Variants in PHACTR1 observed in about 807,000 individuals in gnomAD.
PHACTR1 encodes the protein RPEL repeat containing 1.
Under a neutral mutation model 69.2 loss-of-function variants are expected in PHACTR1, and 16 were observed. The observed-to-expected ratio is 0.23, with a 90% CI of 0.16 to 0.35. PHACTR1 has a LOEUF of 0.35. PHACTR1 is among the 10% of genes least tolerant of loss of function. PHACTR1 has a pLI of 1.00. For synonymous variants in PHACTR1, 312 were observed against 284.5 expected, an observed-to-expected ratio of 1.10 and a Z score of -0.97; for missense variants, 510 against 734.7, an observed-to-expected ratio of 0.69 and a Z score of 3.54.
chr6:12,788,045 C>G (rs1380123318), intron 4 of PHACTR1, among the ~76,000 whole-genome samples: 1 of 152,084 alleles, frequency 6.6e-6, no homozygotes, highest in Non-Finnish European at 1.5e-5. Flanking sequence ...GTAGTCCCAG[C>G]TACTCGGTAG....
At position 13,287,159 on chromosome 6, in the gene PHACTR1, C is replaced by T; in HGVS notation, c.*81C>T. On this transcript the variant is annotated 3_prime_UTR_variant, in exon 15 of 15. Transcript: ENST00000332995. ...CATAAGTGCTGGTATTTATTCACTTCCCCATTACGATGTAAATCTTCTGAA... is the reference window on the plus strand; with the variant it reads ...CATAAGTGCTGGTATTTATTCACTTTCCCATTACGATGTAAATCTTCTGAA... 1 of 1,304,300 alleles carries T rather than the reference C, an allele frequency of 7.7e-7. No individual in the cohort carries two copies. The highest frequency in any genetic ancestry group is 1.3e-5 in the South Asian group (1 of 75,386). The allele number at this position is 1,304,300 out of a possible 1,614,324, so 80.8% of individuals were successfully genotyped here. A position where few individuals can be genotyped will look rare whatever the true frequency, so the allele number is the denominator to read the frequency against.
intron 10 of PHACTR1, among the ~76,000 whole-genome samples, chr6:13,271,380 G>A (rs185969308): frequency 1.4e-4 from 21 of 152,266 alleles, no homozygotes; most frequent in Admixed American, 4.6e-4. Context: ...ATGAGACATT[G>A]AAGCCCATTC....
chr6:13,067,198 G>A (rs1217311108), intron 5 of PHACTR1, among the ~76,000 whole-genome samples: 4 of 152,130 alleles, frequency 2.6e-5, no homozygotes, highest in Non-Finnish European at 5.9e-5. Context: ...CTTGCCTTAT[G>A]GACTTGAATC....
At chr6:12,985,044 A>G (rs186946515) in intron 4 of PHACTR1, among the ~76,000 whole-genome samples, 1 of 152,352 alleles carries the variant, frequency 6.6e-6, no homozygotes, top group Non-Finnish European at 1.5e-5. Context: ...CTAAACCACA[A>G]TATTCCACTA....
chr6:12,817,252 A>G (rs995880127), intron 4 of PHACTR1, among the ~76,000 whole-genome samples: 3 of 152,188 alleles, frequency 2.0e-5, no homozygotes, highest in African/African-American at 7.2e-5. Flanking sequence ...AGAAGGTCAA[A>G]TTATGAAGCA....
intron 4 of PHACTR1, among the ~76,000 whole-genome samples, chr6:12,812,456 C>T (rs1775125226): frequency 6.6e-6 from 1 of 152,126 alleles, no homozygotes; most frequent in African/African-American, 2.4e-5. Flanking sequence ...AATTATTAAC[C>T]CTATGTTGCT....
At chr6:13,174,065 A>G (rs1760994611) in intron 6 of PHACTR1, among the ~76,000 whole-genome samples, 1 of 152,178 alleles carries the variant, frequency 6.6e-6, no homozygotes, top group African/African-American at 2.4e-5. Flanking sequence ...ACATATATCA[A>G]TGTCAAAAAA....
chr6:12,782,701 G>A (rs112080594), intron 4 of PHACTR1, among the ~76,000 whole-genome samples: 2,770 of 152,300 alleles, frequency 0.018, 84 homozygotes, highest in African/African-American at 0.062. Context: ...ATAATGGCCA[G>A]CCATAGAATT....
At chr6:12,786,581 A>G (rs1342518109) in intron 4 of PHACTR1, among the ~76,000 whole-genome samples, 2 of 152,138 alleles carry the variant, frequency 1.3e-5, no homozygotes, top group Admixed American at 1.3e-4. Flanking sequence ...GAATTAACTG[A>G]CAGGTTCTTC....
At chr6:12,933,873 AG>A in intron 4 of PHACTR1, 1 of 1,612,510 alleles carries the variant, frequency 6.2e-7, no homozygotes, top group South Asian at 1.1e-5. Flanking sequence ...CTGCCTTTAG[AG>A]GGGGAAGAGT....
intron 4 of PHACTR1, among the ~76,000 whole-genome samples, chr6:12,800,175 T>C (rs1355303956): frequency 4.6e-5 from 7 of 152,204 alleles, no homozygotes; most frequent in Non-Finnish European, 7.3e-5. Flanking sequence ...AAGAAAAATC[T>C]CAAATCCAAC....
intron 4 of PHACTR1, among the ~76,000 whole-genome samples, chr6:12,756,868 G>A (rs1281506168): frequency 6.6e-6 from 1 of 152,110 alleles, no homozygotes; most frequent in Admixed American, 6.5e-5. Flanking sequence ...TTTAATCAGA[G>A]GTACAGAAAA....
chr6:12,953,336 T>C (rs1791518988), intron 4 of PHACTR1, among the ~76,000 whole-genome samples: 1 of 151,886 alleles, frequency 6.6e-6, no homozygotes, highest in Non-Finnish European at 1.5e-5. Context: ...AATAAATAAA[T>C]ACATAAAAAT....
At chr6:12,885,787 A>G (rs1007424698) in intron 4 of PHACTR1, among the ~76,000 whole-genome samples, 3 of 152,180 alleles carry the variant, frequency 2.0e-5, no homozygotes, top group Non-Finnish European at 2.9e-5. Context: ...TGGGAACACA[A>G]TTGTCCATTT....
chr6:13,243,493 C>T (rs979579727), intron 10 of PHACTR1, among the ~76,000 whole-genome samples: 1 of 151,910 alleles, frequency 6.6e-6, no homozygotes. Context: ...ATTCAAATAT[C>T]TCATCTAGGC....
At chr6:12,971,990 G>C (rs531423044) in intron 4 of PHACTR1, among the ~76,000 whole-genome samples, 1 of 152,310 alleles carries the variant, frequency 6.6e-6, no homozygotes, top group East Asian at 1.9e-4. Context: ...CTTCTGTTGA[G>C]CACCTACTGT....
intron 4 of PHACTR1, among the ~76,000 whole-genome samples, chr6:12,937,469 T>C (rs1446741040): frequency 1.3e-5 from 2 of 152,034 alleles, no homozygotes; most frequent in Admixed American, 6.5e-5. Flanking sequence ...CTGCCTCTGA[T>C]TGAGTGAATT....
At chr6:12,836,673 G>A (rs911395257) in intron 4 of PHACTR1, among the ~76,000 whole-genome samples, 30 of 152,202 alleles carry the variant, frequency 2.0e-4, no homozygotes, top group Non-Finnish European at 4.3e-4. Flanking sequence ...TGCTAGGTCA[G>A]CTGCTCTCTG....
chr6:12,919,954 G>C (rs1787457396), intron 4 of PHACTR1, among the ~76,000 whole-genome samples: 1 of 152,104 alleles, frequency 6.6e-6, no homozygotes, highest in Admixed American at 6.5e-5. Flanking sequence ...GTGTAACATT[G>C]ACAAAATCAC....
Sources: allele counts gnomAD v4.1 joint callset (sites outside exome capture counted in the v4.1 genomes callset), GRCh38; gene constraint gnomAD v4.1.1; transcripts MANE v1.5; gene names NCBI Gene and HGNC (gene_info 2026-07-23, HGNC 2026-07-21).